ITGB7: variants seen among roughly 807,000 people sequenced by gnomAD.
The protein encoded by ITGB7 is integrin beta-7.
A neutral mutation model predicts 83.4 loss-of-function variants in ITGB7; 55 were observed. The observed-to-expected ratio is 0.66, with a 90% CI of 0.53 to 0.83. The LOEUF is 0.83. ITGB7 is among the 40% of genes least tolerant of loss of function. The probability of loss-of-function intolerance (pLI) is 0.00; values close to 1 mark genes in which losing one functional copy is unlikely to be tolerated. For missense variants in ITGB7, 921 were observed against 1,046.7 expected (o/e 0.88, Z 1.66); for synonymous variants, 454 against 423.6 (o/e 1.07, Z -0.88).
rs1392261167 is a variant in ITGB7 at position 53,197,763 on chromosome 12, G to C, written c.390C>G (p.Val130=). 6.4e-7 allele frequency: 1 copy of C among 1,570,346 alleles called. No homozygotes were observed. The highest frequency in any genetic ancestry group is 8.6e-7 in the Non-Finnish European group (1 of 1,160,078). Residue 130 remains valine, a synonymous_variant, in exon 4 of 16, where the codon GTC becomes GTG. Coordinates refer to ENST00000267082, the MANE Select transcript of ITGB7 (RefSeq NM_000889.3). ...CCCCTAACTCACCAGGCCGCAGCGT[G>C]ACCCGGACCCGCTGCGGCGCCAGCT... ...ATQLAPQRVR[V]TLRPGEPQQL... is the part of the protein sequence containing the mutation.
chr12:53,203,655 AAAAAAAAAAAAAAAAAG>A (rs1942368884), intron 1 of ITGB7, among the ~76,000 whole-genome samples: 1 of 143,884 alleles, frequency 7.0e-6, no homozygotes, highest in African/African-American at 2.7e-5. Flanking sequence ...CTCAAAAAAA[AAAAAAAAAAAAAAAAAG>A]AAAGAAAGAA....
At chr12:53,205,319 G>T (rs184314266) in intron 1 of ITGB7, among the ~76,000 whole-genome samples, 1 of 151,990 alleles carries the variant, frequency 6.6e-6, no homozygotes, top group Admixed American at 6.5e-5. Flanking sequence ...CGAGTAGCTG[G>T]TACTACAGGC....
chr12:53,193,584 CTGAG>C (rs1942047324), intron 11 of ITGB7, 120 bp downstream of exon 11: 1 of 908,712 alleles, frequency 1.1e-6, no homozygotes, highest in Non-Finnish European at 1.7e-6. Flanking sequence ...AGGGATGAAA[CTGAG>C]TGGGGAGTCG....
rs370312046 is a variant in ITGB7, at chr12:53,197,711, G to T, written c.403+39C>A. ...GTCAGCAGAGCGCATTGGAACGCCA[G>T]CCTAGACCTCTGGCCTGGCCCCGCC... On this transcript the variant is annotated intron_variant, in intron 4 of 15. Transcript: ENST00000267082. 3 of 1,598,344 alleles carry T rather than the reference G, an allele frequency of 1.9e-6. No individual in the cohort carries two copies. The East Asian group carries it at 6.9e-5, about 37-fold the overall frequency.
chr12:53,196,857 C>CT, intron 5 of ITGB7, 37 bp from the exon 6 acceptor site: 1 of 1,566,988 alleles, frequency 6.4e-7, no homozygotes, highest in Non-Finnish European at 8.7e-7. Context: ...TGCCAGAAGT[C>CT]GCAGGGCAGC....
intron 1 of ITGB7, among the ~76,000 whole-genome samples, chr12:53,203,696 GA>G (rs1202620894): frequency 8.1e-4 from 103 of 126,868 alleles, no homozygotes; most frequent in African/African-American, 2.9e-3. Context: ...AAAAGAAGAA[GA>G]AAAAAACCAC....
intron 3 of ITGB7, among the ~76,000 whole-genome samples, chr12:53,198,380 T>C (rs1271124567): frequency 6.6e-6 from 1 of 150,676 alleles, no homozygotes; most frequent in African/African-American, 2.4e-5. Flanking sequence ...CACCTCAGCC[T>C]CCCAAAGTGC....
intron 9 of ITGB7, 198 bp from the exon 10 acceptor site, chr12:53,194,542 G>T: frequency 3.6e-6 from 2 of 555,944 alleles, no homozygotes; most frequent in Admixed American, 3.1e-5. Context: ...GGATCCAGAG[G>T]CCTCTAATAC....
intron 14 of ITGB7, 153 bp from the exon 15 acceptor site, chr12:53,192,172 T>G: frequency 1.7e-6 from 2 of 1,198,716 alleles, no homozygotes; most frequent in Non-Finnish European, 2.3e-6. Context: ...GCCCAGGGCC[T>G]TAGCCTCGTC....
chr12:53,198,651 T>C (rs1315587821), intron 3 of ITGB7, among the ~76,000 whole-genome samples: 3 of 39,496 alleles, frequency 7.6e-5, no homozygotes, highest in African/African-American at 1.0e-4. Flanking sequence ...CACCTACCCC[T>C]CTCCTCCCCA....
intron 11 of ITGB7, 99 bp downstream of exon 11, chr12:53,193,609 G>A: frequency 9.3e-7 from 1 of 1,080,470 alleles, no homozygotes; most frequent in Non-Finnish European, 1.3e-6. Context: ...GGATGTCGAG[G>A]AGACTCCTGT....
At chr12:53,192,218 C>T in intron 14 of ITGB7, 112 bp downstream of exon 14, 1 of 1,291,470 alleles carries the variant, frequency 7.7e-7, no homozygotes, top group South Asian at 1.3e-5. Context: ...GTCCTGGATT[C>T]ACAGTTCTGC....
chr12:53,196,009 T>C (rs1433584811), intron 7 of ITGB7, 32 bp downstream of exon 7: 1 of 1,608,058 alleles, frequency 6.2e-7, no homozygotes, highest in Admixed American at 1.7e-5. Context: ...GTGGCTGAAA[T>C]GGGGAGAGGC....
chr12:53,200,548 C>T lies in ITGB7; in HGVS notation c.-3-102G>A, dbSNP rs1942301902. On this transcript the variant is annotated intron_variant, in intron 2 of 15. Coordinates refer to ENST00000267082, the MANE Select transcript of ITGB7 (RefSeq NM_000889.3). ...GTGGTTATCACTCTCAAAACTCTGCCCCAACACTTTATCTCCCCTCATAGT... is the reference window on the plus strand; with the variant it reads ...GTGGTTATCACTCTCAAAACTCTGCTCCAACACTTTATCTCCCCTCATAGT... The T allele has an allele frequency of 5.5e-6, 5 of 914,186 alleles. No individual in the cohort carries two copies. In the South Asian group the frequency reaches 6.3e-5, roughly 12 times the overall value. 56.6% of individuals were successfully genotyped at this position (914,186 alleles called of 1,614,324 possible).
In ITGB7 at chr12:53,196,631, A is replaced by G; in HGVS notation, c.764T>C (p.Leu255Pro). The G allele has an allele frequency of 1.9e-6, 3 of 1,613,388 alleles. No individual in the cohort carries two copies. The highest frequency in any genetic ancestry group is 1.7e-6 in the Non-Finnish European group (2 of 1,179,638). ...ATCGAAGCCACCTTCAGGCGAGTCCAGATTGCCGGACACACTCTGGCGCCC... is the reference window on the plus strand; with the variant it reads ...ATCGAAGCCACCTTCAGGCGAGTCCGGATTGCCGGACACACTCTGGCGCCC... Reference protein sequence around the residue: ...EVGRQSVSGNLDSPEGGFDAI... With the variant: ...EVGRQSVSGNPDSPEGGFDAI... Residue 255 changes from leucine (L) to proline (P), a missense_variant, in exon 6 of 16, where the codon CTG becomes CCG. Transcript: ENST00000267082.
chr12:53,194,107 C>A, intron 10 of ITGB7, 91 bp downstream of exon 10: 1 of 1,562,468 alleles, frequency 6.4e-7, no homozygotes, highest in Non-Finnish European at 8.8e-7. Context: ...CATGTCACTC[C>A]CTGTACCTGC....
chr12:53,192,621 A>G, intron 13 of ITGB7, 70 bp downstream of exon 13: 2 of 1,595,886 alleles, frequency 1.3e-6, no homozygotes, highest in South Asian at 2.2e-5. Context: ...GACGGAGAGT[A>G]GGCAGATGGG....
rs752476932 is a variant in ITGB7 at position 53,191,532 on chromosome 12, C to T, written c.*24G>A. 9 of 1,572,086 alleles carry T rather than the reference C, an allele frequency of 5.7e-6. 1 individual carries two copies. Among genetic ancestry groups the T allele is most frequent in the East Asian group, 2.2e-5 (1 of 44,666 alleles). ...CCCACTGTCCTCCAAGGAGAAGAGC[C>T]TTGGGTAAGTGTCCCTCCCTCCTTC... On this transcript the variant is annotated 3_prime_UTR_variant, in exon 16 of 16. Coordinates refer to ENST00000267082, the MANE Select transcript of ITGB7 (RefSeq NM_000889.3).
intron 8 of ITGB7, 53 bp from the exon 9 acceptor site, chr12:53,195,516 G>A (rs1942126507): frequency 6.5e-7 from 1 of 1,538,072 alleles, no homozygotes; most frequent in South Asian, 1.1e-5. Flanking sequence ...AGGAAAATGG[G>A]CTCCCGGAGG....
Sources: gnomAD v4.1 joint callset for allele counts (sites outside exome capture counted in the v4.1 genomes callset) on GRCh38, gnomAD v4.1.1 for gene constraint, MANE v1.5 for transcripts, NCBI Gene and HGNC (gene_info 2026-07-23, HGNC 2026-07-21) for gene names.